Variants in ODAD2 observed in about 807,000 individuals in gnomAD.
The protein encoded by ODAD2 is outer dynein arm-docking complex subunit 2.
In ODAD2, 89 loss-of-function variants were observed where a neutral mutation model predicts 106.8. The observed-to-expected ratio is 0.83, with a 90% CI of 0.70 to 0.99. The LOEUF (loss-of-function observed/expected upper bound fraction) is 0.99, where lower values mean the gene tolerates loss of function less well. Ranked by LOEUF, ODAD2 falls within the 50% of genes least tolerant of loss-of-function variation. The probability of loss-of-function intolerance (pLI) is 0.00; values close to 1 mark genes in which losing one functional copy is unlikely to be tolerated. For missense variants in ODAD2, 1,168 were observed against 1,238.5 expected (o/e 0.94, Z 0.85); for synonymous variants, 404 against 436.2 (o/e 0.93, Z 0.92).
intron 9 of ODAD2, among the ~76,000 whole-genome samples, chr10:27,965,730 G>A (rs1848450502): frequency 6.6e-6 from 1 of 152,202 alleles, no homozygotes; most frequent in African/African-American, 2.4e-5. Context: ...AACCTGGAGT[G>A]AAATCAACCA....
intron 16 of ODAD2, 30 bp downstream of exon 16, chr10:27,934,980 T>C: frequency 6.2e-7 from 1 of 1,612,868 alleles, no homozygotes; most frequent in Non-Finnish European, 8.5e-7. Flanking sequence ...AACACTTATA[T>C]AAAATCTTTC....
rs567718191 is a variant in ODAD2 at position 27,850,692 on chromosome 10, C to T, written c.3021+9933G>A. ...ACTGCCTCATGTTAAGATGGAGTAACGGGGACTGGATTTACCTTCCTGTCT... is the reference window on the plus strand; with the variant it reads ...ACTGCCTCATGTTAAGATGGAGTAATGGGGACTGGATTTACCTTCCTGTCT... On this transcript the variant is annotated intron_variant, in intron 19 of 19. Transcript: ENST00000305242. Among the ~76,000 whole-genome samples, 26 of 152,050 alleles carry T rather than the reference C, an allele frequency of 1.7e-4. No homozygotes were observed. The East Asian group carries it at 3.3e-3, about 19-fold the overall frequency.
At chr10:27,923,960 A>AAGAT (rs1226756282) in intron 16 of ODAD2, among the ~76,000 whole-genome samples, 3 of 108,400 alleles carry the variant, frequency 2.8e-5, no homozygotes, top group African/African-American at 1.2e-4. Flanking sequence ...GAAAGAAAGA[A>AAGAT]AGAAAGAAAG....
rs1346633108 is a variant in ODAD2 at position 27,955,084 on chromosome 10, A to G, written c.1386+6484T>C. Among the ~76,000 whole-genome samples the G allele has an allele frequency of 1.3e-5, 2 of 152,226 alleles. 1 individual carries two copies. Among genetic ancestry groups the G allele is most frequent in the East Asian group, 3.9e-4 (2 of 5,188 alleles). ...CCCACATCAATGTAGCAACACATCT[A>G]CTAACTTAAAGAATGTTTCTCAGGA... On this transcript the variant is annotated intron_variant, in intron 10 of 19. Transcript: ENST00000305242.
At chr10:27,875,675 C>T (rs1841281964) in intron 17 of ODAD2, among the ~76,000 whole-genome samples, 1 of 152,310 alleles carries the variant, frequency 6.6e-6, no homozygotes, top group Admixed American at 6.5e-5. Flanking sequence ...GTTCATCTCA[C>T]TGAGTCTTGT....
At chr10:27,880,104 C>T (rs1302732573) in intron 17 of ODAD2, among the ~76,000 whole-genome samples, 2 of 152,156 alleles carry the variant, frequency 1.3e-5, no homozygotes, top group East Asian at 3.9e-4. Context: ...TCTATTTGTT[C>T]ACATTAAGCT....
intron 9 of ODAD2, among the ~76,000 whole-genome samples, chr10:27,962,777 C>T (rs1226098521): frequency 2.6e-5 from 4 of 152,106 alleles, no homozygotes; most frequent in African/African-American, 4.8e-5. Context: ...CGCCTCCCAC[C>T]GCCGGATGCC....
chr10:27,940,724 G>A lies in ODAD2; in HGVS notation c.1825C>T (p.Arg609Cys), dbSNP rs937112850. 18 of 1,613,994 alleles carry A rather than the reference G, an allele frequency of 1.1e-5. No homozygotes were observed. In the African/African-American group the frequency reaches 1.2e-4, roughly 11 times the overall value. The change falls in exon 13 of 20, where the codon CGC becomes TGC. Residue 609 changes from arginine to cysteine, a missense_variant. Arg to Cys is a radical substitution (Grantham distance 180). Transcript: ENST00000305242. ...LYEARDVEVA[R>C]CGALALWSCS... ...CTCCACAGGGCCAGTGCCCCACAGC[G>A]AGCCACTTCCACGTCTCTGGCCTCA...
At position 27,907,733 on chromosome 10, in the gene ODAD2, A is replaced by G; in HGVS notation, c.2540T>C (p.Leu847Pro). ...CTTCACGTCTGGGTGAGGATTTTTCAGCAGGGACCACAACAAACGAACTCC... is the reference window on the plus strand; with the variant it reads ...CTTCACGTCTGGGTGAGGATTTTTCGGCAGGGACCACAACAAACGAACTCC... Reference protein sequence around the residue: ...LDGVRLLWSLLKNPHPDVKAS... With the variant: ...LDGVRLLWSLPKNPHPDVKAS... Residue 847 changes from leucine (L) to proline (P), a missense_variant, in exon 17 of 20, where the codon CTG becomes CCG. Leu to Pro is a moderately conservative substitution (Grantham distance 98, BLOSUM62 -3). Transcript: ENST00000305242. The G allele has an allele frequency of 6.2e-7, 1 of 1,613,912 alleles. No homozygotes were observed. The highest frequency in any genetic ancestry group is 8.5e-7 in the Non-Finnish European group (1 of 1,179,874).
rs369833558 is a variant in ODAD2 at position 27,993,974 on chromosome 10, A to ATATATATG, written c.224+944_224+945insCATATATA. ...GAGGCTGGCAAATATATATATATATATGTGTGTGTGTGTGTGTGTGTGTGT... is the reference window on the plus strand; with the variant it reads ...GAGGCTGGCAAATATATATATATATATATATATGTGTGTGTGTGTGTGTGTGTGTGTGT... On this transcript the variant is annotated intron_variant, in intron 2 of 19. Transcript: ENST00000305242. Among the ~76,000 whole-genome samples the ATATATATG allele has an allele frequency of 5.4e-3, 757 of 140,594 alleles. 1 individual carries two copies. Among genetic ancestry groups the ATATATATG allele is most frequent in the African/African-American group, 9.8e-3 (364 of 37,320 alleles). The allele number at this position is 140,594 out of a possible 152,430, so 92.2% of individuals were successfully genotyped here.
rs1052314869 is a variant in ODAD2 at position 27,944,204 on chromosome 10, A to C, written c.1743+18T>G. 6.2e-7 allele frequency: 1 copy of C among 1,602,112 alleles called. No individual in the cohort carries two copies. The highest frequency in any genetic ancestry group is 1.3e-5 in the African/African-American group (1 of 74,780). ...GCGGCTGGCACTAGATGACGATGAC[A>C]ACATCACGGCTACTCACCAGTTTGG... On this transcript the variant is annotated intron_variant, in intron 12 of 19. Coordinates refer to ENST00000305242, the MANE Select transcript of ODAD2 (RefSeq NM_018076.5).
chr10:27,909,817 GAAAAAAAAAAAAAAAA>G (rs35449629), intron 16 of ODAD2, among the ~76,000 whole-genome samples: 72 of 56,376 alleles, frequency 1.3e-3, no homozygotes, highest in African/African-American at 5.0e-3. Context: ...GTCTTCATTT[GAAAAAAAAAAAAAAAA>G]AAAAAAAAAG....
At chr10:27,939,215 A>T (rs1846210880) in intron 14 of ODAD2, among the ~76,000 whole-genome samples, 1 of 152,214 alleles carries the variant, frequency 6.6e-6, no homozygotes, top group African/African-American at 2.4e-5. Flanking sequence ...TGAACAGGAC[A>T]TATTAAAAGC....
chr10:27,871,764 T>C (rs1840911140), intron 17 of ODAD2, among the ~76,000 whole-genome samples: 1 of 152,172 alleles, frequency 6.6e-6, no homozygotes, highest in South Asian at 2.1e-4. Flanking sequence ...TGTAGCCTTG[T>C]AGTATAGTTT....
chr10:27,828,963 C>G (rs1837273992), intron 19 of ODAD2, among the ~76,000 whole-genome samples: 1 of 152,042 alleles, frequency 6.6e-6, no homozygotes. Flanking sequence ...TATCTGTCTT[C>G]CAAAATGGGC....
chr10:27,894,813 C>A (rs1308101794), intron 17 of ODAD2, among the ~76,000 whole-genome samples: 1 of 152,062 alleles, frequency 6.6e-6, no homozygotes, highest in Non-Finnish European at 1.5e-5. Flanking sequence ...CAATCCTCCC[C>A]ACTTGGCCTC....
chr10:27,836,605 A>G (rs1368667814), intron 19 of ODAD2, among the ~76,000 whole-genome samples: 1 of 152,158 alleles, frequency 6.6e-6, no homozygotes, highest in African/African-American at 2.4e-5. Context: ...CCAACTCTTG[A>G]AAAATGGCCT....
upstream of ODAD2, chr10:27,999,643 C>G (rs545642191): frequency 2.1e-5 from 3 of 146,232 alleles, no homozygotes; most frequent in Non-Finnish European, 4.5e-5. Flanking sequence ...ACTGGAACAC[C>G]AGTGAGGGAT....
chr10:27,821,633 TA>T (rs1190700635), intron 19 of ODAD2, among the ~76,000 whole-genome samples: 4 of 152,206 alleles, frequency 2.6e-5, no homozygotes, highest in Non-Finnish European at 5.9e-5. Flanking sequence ...TTCAAATCAC[TA>T]ACACACGGAG....
Sources: allele counts gnomAD v4.1 joint callset (sites outside exome capture counted in the v4.1 genomes callset), GRCh38; gene constraint gnomAD v4.1.1; transcripts MANE v1.5; gene names NCBI Gene and HGNC (gene_info 2026-07-23, HGNC 2026-07-21).